Variants in DNMT1 observed in about 807,000 individuals in gnomAD.
The protein encoded by DNMT1 is DNA methyltransferase 1.
A neutral mutation model predicts 205.3 loss-of-function variants in DNMT1; 24 were observed. The ratio of observed to expected loss-of-function variants is 0.12; its 90% CI spans 0.08 to 0.16. The LOEUF (loss-of-function observed/expected upper bound fraction) is 0.16, where lower values mean the gene tolerates loss of function less well. Among genes scored for constraint, DNMT1 ranks in the 10% least tolerant of loss-of-function variants. The probability of loss-of-function intolerance (pLI) is 1.00; values close to 1 mark genes in which losing one functional copy is unlikely to be tolerated. For synonymous variants in DNMT1, 817 were observed against 839.8 expected, an observed-to-expected ratio of 0.97 and a Z score of 0.47; for missense variants, 1,293 against 2,177.7, an observed-to-expected ratio of 0.59 and a Z score of 8.09.
At chr19:10,172,732 T>C (rs1371937238) in intron 9 of DNMT1, among the ~76,000 whole-genome samples, 1 of 151,006 alleles carries the variant, frequency 6.6e-6, no homozygotes, top group Non-Finnish European at 1.5e-5. Flanking sequence ...TGAGAATCAC[T>C]TGAACCTGGG....
chr19:10,166,657 G>C lies in DNMT1; in HGVS notation c.832C>G (p.Pro278Ala). The C allele has an allele frequency of 6.2e-7, 1 of 1,614,156 alleles. No homozygotes were observed. Among genetic ancestry groups the C allele is most frequent in the South Asian group, 1.1e-5 (1 of 91,086 alleles). The change falls in exon 11 of 41, where the codon CCG (proline) becomes GCG (alanine). Residue 278 changes from proline to alanine, a missense_variant. Transcript: ENST00000359526. ...PTPKQKLKEEPDREARAGVQA... is the reference protein window; with the variant it reads ...PTPKQKLKEEADREARAGVQA... ...ACGCCTGCCCTGGCTTCTCTGTCCG[G>C]CTCCTCCTTCAGTTTCTGTTTGGGT... is the stretch of plus-strand genomic sequence containing the variant.
At chr19:10,148,293 G>C (rs896240890) in intron 27 of DNMT1, among the ~76,000 whole-genome samples, 3 of 150,860 alleles carry the variant, frequency 2.0e-5, no homozygotes, top group Admixed American at 6.6e-5. Flanking sequence ...TCAGGAGATC[G>C]AGACCATCCT....
At chr19:10,147,854 C>T (rs2038231484) in intron 27 of DNMT1, among the ~76,000 whole-genome samples, 2 of 151,968 alleles carry the variant, frequency 1.3e-5, no homozygotes, top group Non-Finnish European at 2.9e-5. Flanking sequence ...TGGCTCACAC[C>T]TGTAATCCCA....
At chr19:10,162,355 C>T (rs1009677149) in intron 13 of DNMT1, among the ~76,000 whole-genome samples, 3 of 151,464 alleles carry the variant, frequency 2.0e-5, no homozygotes, top group Non-Finnish European at 2.9e-5. Flanking sequence ...CTGCAACCTC[C>T]ACCTCCCAGG....
At chr19:10,147,877 G>A (rs2038231895) in intron 27 of DNMT1, among the ~76,000 whole-genome samples, 1 of 151,962 alleles carries the variant, frequency 6.6e-6, no homozygotes, top group Admixed American at 6.6e-5. Flanking sequence ...ACTTTGGGAA[G>A]CCGAAGCGGG....
intron 11 of DNMT1, among the ~76,000 whole-genome samples, chr19:10,164,913 TAAAAAAAAAAAAAAAAAAAAAAAAA>T (rs535161745): frequency 8.8e-4 from 30 of 34,042 alleles, no homozygotes; most frequent in South Asian, 6.6e-3. Context: ...GAGACTATCT[TAAAAAAAAAAAAAAAAAAAAAAAAA>T]AAAAAAAAAA....
intron 28 of DNMT1, among the ~76,000 whole-genome samples, chr19:10,145,985 C>T (rs1342089650): frequency 2.0e-5 from 3 of 152,056 alleles, no homozygotes; most frequent in East Asian, 1.9e-4. Flanking sequence ...CGCACCACCA[C>T]ACCCGGCTAA....
Position 10,137,401 on chromosome 19 carries a change from G to A in DNMT1, c.4294-121C>T. The A allele has an allele frequency of 7.9e-7, 1 of 1,261,170 alleles. No homozygotes were observed. The highest frequency in any genetic ancestry group is 1.1e-6 in the Non-Finnish European group (1 of 910,450). 78.1% of individuals were successfully genotyped at this position (1,261,170 alleles called of 1,614,324 possible). On this transcript the variant is annotated intron_variant, in intron 36 of 40. Coordinates refer to ENST00000359526, the MANE Select transcript of DNMT1 (RefSeq NM_001130823.3). This position sits in a 1 kb window ranked among gnomAD's most constrained non-coding sequence, Gnocchi z 6.4. ...AGCCCCCTGGGGCTCACGCCCATCG[G>A]GAAAGAGACAGTCAGGGATATCGCA... is the stretch of plus-strand genomic sequence containing the variant.
At position 10,140,309 on chromosome 19, in the gene DNMT1, C is replaced by A; in HGVS notation, c.3543G>T (p.Trp1181Cys). Reference sequence around the variant, plus strand: ...CCGCAGGGTCCCACATCTCGATGGCCCACAGCGTGTCAGAGATGCCTGGCA... The same window carrying A: ...CCGCAGGGTCCCACATCTCGATGGCACACAGCGTGTCAGAGATGCCTGGCA... ...FHQAGISDTLWAIEMWDPAAQ... is the reference protein window; with the variant it reads ...FHQAGISDTLCAIEMWDPAAQ... The change falls in exon 33 of 41, where the codon TGG becomes TGT. Residue 1181 changes from tryptophan to cysteine, a missense_variant. Trp to Cys is a radical substitution (Grantham distance 215). This residue lies in a region of DNMT1 where 26 missense variants were observed against 86.5 expected (regional missense o/e 0.30). Transcript: ENST00000359526. This position sits in a 1 kb window ranked among gnomAD's most constrained non-coding sequence, Gnocchi z 8.4. 6.2e-7 allele frequency: 1 copy of A among 1,613,920 alleles called. No individual in the cohort carries two copies. The highest frequency in any genetic ancestry group is 8.5e-7 in the Non-Finnish European group (1 of 1,180,026).
intron 22 of DNMT1, among the ~76,000 whole-genome samples, chr19:10,152,175 A>G (rs2038359034): frequency 6.7e-6 from 1 of 148,884 alleles, no homozygotes; most frequent in Non-Finnish European, 1.5e-5. Flanking sequence ...AAAAAAAAAA[A>G]AAAAAAAAAA....
chr19:10,160,577 C>T (rs544382391), intron 13 of DNMT1, among the ~76,000 whole-genome samples, 159 bp from the exon 14 acceptor site: 1 of 152,238 alleles, frequency 6.6e-6, no homozygotes, highest in South Asian at 2.1e-4. Flanking sequence ...ACTCACTCTA[C>T]CATCTAAAGT....
chr19:10,137,517 A>C lies in DNMT1; in HGVS notation c.4294-237T>G. 1 of 636,604 alleles carries C rather than the reference A, an allele frequency of 1.6e-6. No homozygotes were observed. The highest frequency in any genetic ancestry group is 1.9e-5 in the South Asian group (1 of 51,852). The allele number at this position is 636,604 out of a possible 1,614,324, so 39.4% of individuals were successfully genotyped here. On this transcript the variant is annotated intron_variant, in intron 36 of 40. Coordinates refer to ENST00000359526, the MANE Select transcript of DNMT1 (RefSeq NM_001130823.3). The surrounding 1 kb of genome is among the most constrained non-coding windows in gnomAD (Gnocchi z 6.4). ...TGAGCCTTTAGGGTGGGGGAAGGGG[A>C]GTGGTGCCAGGGGATGGTGAAAGGG...
At position 10,149,954 on chromosome 19, in the gene DNMT1, C is replaced by T. The variant is rs2145295125; in HGVS notation, c.2280G>A (p.Lys760=). 6.2e-7 allele frequency: 1 copy of T among 1,614,190 alleles called. No individual in the cohort carries two copies. The highest frequency in any genetic ancestry group is 8.5e-7 in the Non-Finnish European group (1 of 1,180,022). Reference sequence around the variant, plus strand: ...CAATGCACACCTTCTTATAGTAACTCTTCTTCCCATCAGTCTGAAAATGAG... The same window carrying T: ...CAATGCACACCTTCTTATAGTAACTTTTCTTCCCATCAGTCTGAAAATGAG... The part of the protein sequence containing the change: ...VGEAVKTDGK[K]SYYKKVCIDA... The change falls in exon 25 of 41, where the codon AAG becomes AAA. Residue 760 remains lysine (K), a synonymous_variant. Transcript: ENST00000359526.
intron 34 of DNMT1, 68 bp downstream of exon 34, chr19:10,139,608 G>A (rs2089561268): frequency 1.3e-6 from 2 of 1,574,024 alleles, no homozygotes; most frequent in South Asian, 2.3e-5. Flanking sequence ...TTCAGTAAGG[G>A]ATGGCTGGCT....
Position 10,180,365 on chromosome 19 carries a change from C to A in DNMT1, c.430G>T (p.Asp144Tyr). 6.2e-7 allele frequency: 1 copy of A among 1,612,944 alleles called. No individual in the cohort carries two copies. The highest frequency in any genetic ancestry group is 8.5e-7 in the Non-Finnish European group (1 of 1,180,032). The change falls in exon 4 of 41, where the codon GAT becomes TAT. Residue 144 changes from aspartate to tyrosine, a missense_variant. Around this residue, in one of 13 missense-constraint regions of DNMT1, gnomAD observed 394 missense variants for 451.6 expected, o/e 0.87. Coordinates refer to ENST00000359526, the MANE Select transcript of DNMT1 (RefSeq NM_001130823.3). ...CTGCTCTTACGCTTAGCCTCTCCAT[C>A]GGACTTGCTCCTCCTGGGCGTGCGA... is the stretch of plus-strand genomic sequence containing the variant. ...KPRTPRRSKS[D>Y]GEAKRSRDPP...
chr19:10,187,640 C>A (rs796174300), intron 1 of DNMT1, among the ~76,000 whole-genome samples: 15 of 151,838 alleles, frequency 9.9e-5, no homozygotes, highest in Admixed American at 3.9e-4. Flanking sequence ...GAGGCCGAGG[C>A]GGAAGGATCA....
rs767558347 is a variant in DNMT1, at chr19:10,175,521, A to T, written c.648+19T>A. The T allele has an allele frequency of 1.1e-5, 18 of 1,613,710 alleles. No homozygotes were observed. In the African/African-American group the frequency reaches 2.3e-4, roughly 20 times the overall value. On this transcript the variant is annotated intron_variant, in intron 7 of 40. Transcript: ENST00000359526. ...CACCAAGTTAAGGTAGAGTCAGGAAATGAAAGCACTGGCCCTACCTGGTCT... is the reference window on the plus strand; with the variant it reads ...CACCAAGTTAAGGTAGAGTCAGGAATTGAAAGCACTGGCCCTACCTGGTCT...
Position 10,137,645 on chromosome 19 carries a change from T to C in DNMT1, c.4293+187A>G. 1 of 838,652 alleles carries C rather than the reference T, an allele frequency of 1.2e-6. No individual in the cohort carries two copies. Among genetic ancestry groups the C allele is most frequent in the Non-Finnish European group, 1.9e-6 (1 of 529,236 alleles). 52.0% of individuals were successfully genotyped at this position (838,652 alleles called of 1,614,324 possible). A position where few individuals can be genotyped will look rare whatever the true frequency, so the allele number is the denominator to read the frequency against. On this transcript the variant is annotated intron_variant, in intron 36 of 40. Coordinates refer to ENST00000359526, the MANE Select transcript of DNMT1 (RefSeq NM_001130823.3). The surrounding 1 kb of genome is among the most constrained non-coding windows in gnomAD (Gnocchi z 6.4). The stretch of plus-strand genomic sequence containing the variant: ...CACCATTCCAGACCAAGTCCAGGAC[T>C]GCGGGAGCTCTGACACTTCCCATGA...
chr19:10,140,058 A>G lies in DNMT1; in HGVS notation c.3794T>C (p.Val1265Ala), dbSNP rs1488049319. Residue 1265 changes from valine to alanine, a missense_variant, in exon 33 of 41, where the codon GTT becomes GCT. Transcript: ENST00000359526. This position sits in a 1 kb window ranked among gnomAD's most constrained non-coding sequence, Gnocchi z 8.4. The part of the protein sequence containing the change: ...TYSKFKNSLV[V>A]SFLSYCDYYR... ...TCTACCCGTTTACCTGAGGAAGGAA[A>G]CCACCAGAGAGTTTTTGAACTTGGA... The G allele has an allele frequency of 6.2e-7, 1 of 1,610,878 alleles. No individual in the cohort carries two copies. Among genetic ancestry groups the G allele is most frequent in the East Asian group, 2.2e-5 (1 of 44,878 alleles).
Sources: gnomAD v4.1 joint callset for allele counts (sites outside exome capture counted in the v4.1 genomes callset) on GRCh38, gnomAD v4.1.1 for gene constraint, gnomAD v4.1.1 regional missense constraint, Gnocchi (gnomAD v3.1) non-coding constraint, MANE v1.5 for transcripts, NCBI Gene and HGNC (gene_info 2026-07-23, HGNC 2026-07-21) for gene names.